Variants in PTN observed in about 807,000 individuals in gnomAD.
PTN encodes pleiotrophin, also known as heparin affin regulatory protein.
A neutral mutation model predicts 24.1 loss-of-function variants in PTN; 18 were observed. The observed-to-expected ratio is 0.75, with a 90% CI of 0.52 to 1.11. PTN has a LOEUF of 1.11. Ranked by LOEUF, PTN falls within the 50% of genes least tolerant of loss-of-function variation. PTN has a pLI of 0.00. For synonymous variants in PTN, 78 were observed against 68.6 expected (o/e 1.14, Z -0.67); for missense variants, 163 against 198.8 (o/e 0.82, Z 1.08).
intron 1 of PTN, among the ~76,000 whole-genome samples, chr7:137,312,882 G>A (rs1258319013): frequency 6.6e-6 from 1 of 152,040 alleles, no homozygotes; most frequent in African/African-American, 2.4e-5. Flanking sequence ...CTGCCACACA[G>A]TATTCTTGTG....
chr7:137,243,286 A>C (rs181352050), intron 4 of PTN, among the ~76,000 whole-genome samples: 172 of 152,242 alleles, frequency 1.1e-3, no homozygotes, highest in African/African-American at 3.7e-3. Flanking sequence ...CTGTTTTCCA[A>C]CTTTCTTCCT....
At chr7:137,330,365 A>G (rs2128882599) in intron 1 of PTN, among the ~76,000 whole-genome samples, 1 of 152,208 alleles carries the variant, frequency 6.6e-6, no homozygotes, top group African/African-American at 2.4e-5. Flanking sequence ...GAAGAAGAAG[A>G]AGAGACATAC....
At chr7:137,334,506 C>A (rs322326) in intron 1 of PTN, among the ~76,000 whole-genome samples, 52,989 of 101,454 alleles carry the variant, frequency 0.52, 13,730 homozygotes, top group Admixed American at 0.64. Flanking sequence ...CCATCTCACA[C>A]CAGTTAGAAT....
At chr7:137,259,878 A>G (rs1042284687) in intron 1 of PTN, among the ~76,000 whole-genome samples, 17 of 152,100 alleles carry the variant, frequency 1.1e-4, no homozygotes, top group Non-Finnish European at 2.1e-4. Context: ...ATTAGGAAAT[A>G]TGTAAATGTA....
chr7:137,331,031 A>G lies in PTN; in HGVS notation c.-2+12408T>C, dbSNP rs558783816. Among the ~76,000 whole-genome samples the G allele has an allele frequency of 2.0e-5, 3 of 152,276 alleles. No individual in the cohort carries two copies. In the South Asian group the frequency reaches 6.2e-4, roughly 32 times the overall value. ...CTGTCCAGGAATGGGGCTTCTATCTATGGGATTCTTGGATGTTTTCTCTAA... is the reference window on the plus strand; with the variant it reads ...CTGTCCAGGAATGGGGCTTCTATCTGTGGGATTCTTGGATGTTTTCTCTAA... On this transcript the variant is annotated intron_variant, in intron 1 of 4. Coordinates refer to ENST00000348225, the MANE Select transcript of PTN (RefSeq NM_002825.7).
chr7:137,246,282 G>T (rs1808722004), intron 4 of PTN, among the ~76,000 whole-genome samples: 1 of 152,134 alleles, frequency 6.6e-6, no homozygotes, highest in Admixed American at 6.5e-5. Flanking sequence ...ACAGTATTCA[G>T]TACAGTAACA....
chr7:137,258,702 GT>G (rs1183359050), intron 1 of PTN, among the ~76,000 whole-genome samples: 7 of 152,240 alleles, frequency 4.6e-5, no homozygotes, highest in African/African-American at 1.7e-4. Context: ...TGAGTAACTA[GT>G]ATACATAGGG....
At chr7:137,279,177 A>C (rs1053511588) in intron 1 of PTN, among the ~76,000 whole-genome samples, 11 of 152,050 alleles carry the variant, frequency 7.2e-5, no homozygotes, top group Non-Finnish European at 1.5e-4. Flanking sequence ...TATTAAACCA[A>C]GTCCAACAAA....
At chr7:137,300,994 A>T (rs1809796761) in intron 1 of PTN, among the ~76,000 whole-genome samples, 2 of 146,850 alleles carry the variant, frequency 1.4e-5, no homozygotes. Flanking sequence ...CCCATTCTTA[A>T]TGCTCTCCAA....
chr7:137,283,952 A>ATTTTTTTTTTTTTTTTTTTTT lies in PTN; in HGVS notation c.-1-28999_-1-28979dup, dbSNP rs753374720. Among the ~76,000 whole-genome samples, 9 of 48,920 alleles carry ATTTTTTTTTTTTTTTTTTTTT rather than the reference A, an allele frequency of 1.8e-4. 3 individuals carry two copies. The highest frequency in any genetic ancestry group is 2.3e-4 in the Non-Finnish European group (7 of 29,934). The allele number at this position is 48,920 out of a possible 152,430, so 32.1% of individuals were successfully genotyped here. A position where few individuals can be genotyped will look rare whatever the true frequency, so the allele number is the denominator to read the frequency against. On this transcript the variant is annotated intron_variant, in intron 1 of 4. Coordinates refer to ENST00000348225, the MANE Select transcript of PTN (RefSeq NM_002825.7). ...AAATGAATGTGAAAATGAGCATCAGATTTTTTTTTTTTTTTTTTTTTTTTT... is the reference window on the plus strand; with the variant it reads ...AAATGAATGTGAAAATGAGCATCAGATTTTTTTTTTTTTTTTTTTTTTTTTTTTTTTTTTTTTTTTTTTTTT...
At chr7:137,259,003 C>A (rs904706198) in intron 1 of PTN, among the ~76,000 whole-genome samples, 1 of 152,086 alleles carries the variant, frequency 6.6e-6, no homozygotes. Flanking sequence ...CCTTTTCCTA[C>A]TGCAATCATT....
Position 137,251,999 on chromosome 7 carries a change from T to C in PTN, c.290-608A>G, listed in dbSNP as rs1166708001. On this transcript the variant is annotated intron_variant, in intron 3 of 4. Coordinates refer to ENST00000348225, the MANE Select transcript of PTN (RefSeq NM_002825.7). ...CAAATAGAACTGCTATATAAATTCATGTATAGGTTTTTGTGGAAACATCAG... is the reference window on the plus strand; with the variant it reads ...CAAATAGAACTGCTATATAAATTCACGTATAGGTTTTTGTGGAAACATCAG... Among the ~76,000 whole-genome samples the C allele has an allele frequency of 2.6e-5, 4 of 151,900 alleles. 1 individual carries two copies. The highest frequency in any genetic ancestry group is 9.7e-5 in the African/African-American group (4 of 41,144).
intron 4 of PTN, among the ~76,000 whole-genome samples, chr7:137,248,086 G>C (rs1808755334): frequency 6.6e-6 from 1 of 152,156 alleles, no homozygotes; most frequent in Admixed American, 6.5e-5. Context: ...GCAATGTATA[G>C]AGTAGAAACT....
At chr7:137,301,337 C>T (rs548634987) in intron 1 of PTN, among the ~76,000 whole-genome samples, 5 of 151,968 alleles carry the variant, frequency 3.3e-5, no homozygotes, top group Admixed American at 2.6e-4. Context: ...AGCGTAGGCT[C>T]CTCATAGCAC....
chr7:137,318,971 T>C (rs1370160099), intron 1 of PTN: 2 of 152,230 alleles, frequency 1.3e-5, no homozygotes, highest in African/African-American at 2.4e-5. Context: ...GTGACTGCTG[T>C]CGTGTCTCTT....
intron 1 of PTN, among the ~76,000 whole-genome samples, chr7:137,310,918 C>T (rs1809970981): frequency 6.6e-6 from 1 of 152,122 alleles, no homozygotes; most frequent in Non-Finnish European, 1.5e-5. Flanking sequence ...CTGCAGCTTC[C>T]TCTCTTCTCT....
chr7:137,251,524 TAC>T (rs1808827045), intron 3 of PTN, 133 bp from the exon 4 acceptor site: 2 of 1,002,832 alleles, frequency 2.0e-6, no homozygotes, highest in African/African-American at 1.6e-5. Flanking sequence ...TAAGAAATAA[TAC>T]AGAGTGTATG....
At chr7:137,263,361 T>G (rs1029742479) in intron 1 of PTN, among the ~76,000 whole-genome samples, 1 of 152,216 alleles carries the variant, frequency 6.6e-6, no homozygotes, top group African/African-American at 2.4e-5. Context: ...TTGCCTTTGA[T>G]TATCTATGTG....
rs58934357 is a variant in PTN at position 137,339,568 on chromosome 7, CAAAAA to C, written c.-2+3866_-2+3870del. Among the ~76,000 whole-genome samples the C allele has an allele frequency of 8.9e-5, 11 of 123,818 alleles. 2 individuals carry two copies. Among genetic ancestry groups the C allele is most frequent in the African/African-American group, 1.6e-4 (5 of 31,254 alleles). 81.2% of individuals were successfully genotyped at this position (123,818 alleles called of 152,430 possible). A position where few individuals can be genotyped will look rare whatever the true frequency, so the allele number is the denominator to read the frequency against. On this transcript the variant is annotated intron_variant, in intron 1 of 4. Coordinates refer to ENST00000348225, the MANE Select transcript of PTN (RefSeq NM_002825.7). ...CTGACCCTTAGGCAGGGTCTTGAAT[CAAAAA>C]AAAAAAAAAAAATGGGGGAAAAATG...
Sources: gnomAD v4.1 joint callset for allele counts (sites outside exome capture counted in the v4.1 genomes callset) on GRCh38, gnomAD v4.1.1 for gene constraint, MANE v1.5 for transcripts, NCBI Gene and HGNC (gene_info 2026-07-23, HGNC 2026-07-21) for gene names.